FCER1A: variants seen among roughly 807,000 people sequenced by gnomAD.
The protein encoded by FCER1A is Fc epsilon receptor Ia, also known as high affinity immunoglobulin epsilon receptor subunit alpha.
A neutral mutation model predicts 23.6 loss-of-function variants in FCER1A; 24 were observed. The observed-to-expected ratio is 1.02, with a 90% CI of 0.74 to 1.43. The LOEUF is 1.43. Ranked by LOEUF, FCER1A falls within the 40% of genes most tolerant of loss-of-function variation. The pLI is 0.00. For synonymous variants in FCER1A, 121 were observed against 108.8 expected (o/e 1.11, Z -0.70); for missense variants, 318 against 294.5 (o/e 1.08, Z -0.58).
intron 1 of FCER1A, among the ~76,000 whole-genome samples, chr1:159,291,367 G>A (rs1316541507): frequency 2.0e-5 from 3 of 151,958 alleles, no homozygotes; most frequent in Admixed American, 2.0e-4. Context: ...TAGTTCATTT[G>A]GTAGAAATAC....
intron 1 of FCER1A, among the ~76,000 whole-genome samples, chr1:159,292,279 A>G (rs1269740694): frequency 2.6e-5 from 4 of 152,068 alleles, no homozygotes; most frequent in Non-Finnish European, 5.9e-5. Flanking sequence ...AGACTCTTAG[A>G]TACAATAAAG....
At position 159,303,974 on chromosome 1, in the gene FCER1A, A is replaced by G; in HGVS notation, c.123A>G (p.Ile41Met). 7 of 1,611,978 alleles carry G rather than the reference A, an allele frequency of 4.3e-6. No individual in the cohort carries two copies. The highest frequency in any genetic ancestry group is 5.9e-6 in the Non-Finnish European group (7 of 1,178,046). The change falls in exon 3 of 5, where the codon ATA becomes ATG. Residue 41 changes from isoleucine (I) to methionine (M), a missense_variant. Transcript: ENST00000693622. Reference sequence around the variant, plus strand: ...CCTTGAACCCTCCATGGAATAGAATATTTAAAGGAGAGAATGTGACTCTTA... The same window carrying G: ...CCTTGAACCCTCCATGGAATAGAATGTTTAAAGGAGAGAATGTGACTCTTA... ...KVSLNPPWNR[I>M]FKGENVTLTC...
rs866263465 is a variant in FCER1A at position 159,306,079 on chromosome 1, C to G, written c.423C>G (p.Tyr141Ter). Residue 141 changes from tyrosine (Y) to a stop codon, truncating the protein, a stop_gained, in exon 4 of 5, where the codon TAC becomes TAG. Transcript: ENST00000693622. LOFTEE classifies it high-confidence loss of function. ...ATGGTTGGAGGAACTGGGATGTGTA[C>G]AAGGTGATCTATTATAAGGATGGTG... is the stretch of plus-strand genomic sequence containing the variant. Reference protein sequence around the residue: ...RCHGWRNWDVYKVIYYKDGEA... With the variant: ...RCHGWRNWDV The G allele has an allele frequency of 5.0e-6, 8 of 1,613,980 alleles. No individual in the cohort carries two copies. The African/African-American group carries it at 6.7e-5, about 13-fold the overall frequency.
upstream of FCER1A, chr1:159,302,239 C>A: frequency 1.4e-6 from 1 of 727,470 alleles, no homozygotes; most frequent in South Asian, 1.6e-5. Flanking sequence ...GAAGCAAAAC[C>A]AGGCACAGCT....
At chr1:159,303,019 C>G (rs1479778531) in intron 2 of FCER1A, 145 bp downstream of exon 2, 1 of 794,034 alleles carries the variant, frequency 1.3e-6, no homozygotes, top group Non-Finnish European at 2.2e-6. Flanking sequence ...TCCACCTTGC[C>G]TTGTCTTTCT....
chr1:159,296,766 A>G (rs1652302242), intron 1 of FCER1A, among the ~76,000 whole-genome samples: 1 of 152,178 alleles, frequency 6.6e-6, no homozygotes, highest in African/African-American at 2.4e-5. Context: ...CATTGAAACA[A>G]GCAACCCTCA....
intron 2 of FCER1A, 98 bp downstream of exon 2, chr1:159,302,972 A>C (rs1652482608): frequency 8.5e-7 from 1 of 1,181,292 alleles, no homozygotes; most frequent in East Asian, 2.3e-5. Flanking sequence ...CTTTCTAATG[A>C]GCATGAATCT....
At position 159,306,259 on chromosome 1, in the gene FCER1A, G is replaced by A. The variant is rs1652611768; in HGVS notation, c.589+14G>A. 6.2e-7 allele frequency: 1 copy of A among 1,610,684 alleles called. No individual in the cohort carries two copies. Among genetic ancestry groups the A allele is most frequent in the Admixed American group, 1.7e-5 (1 of 59,834 alleles). Reference sequence around the variant, plus strand: ...CTGTAATAAAAGGTGAGTTGGTAAAGGAAAGGAAAAGCATCCATAGCAGGG... The same window carrying A: ...CTGTAATAAAAGGTGAGTTGGTAAAAGAAAGGAAAAGCATCCATAGCAGGG... On this transcript the variant is annotated intron_variant, in intron 4 of 4. Coordinates refer to ENST00000693622, the MANE Select transcript of FCER1A (RefSeq NM_001387280.1).
At position 159,307,786 on chromosome 1, in the gene FCER1A, T is replaced by C. The variant is rs1307707237; in HGVS notation, c.628T>C (p.Leu210=). The C allele has an allele frequency of 1.2e-6, 2 of 1,612,318 alleles. No individual in the cohort carries two copies. Among genetic ancestry groups the C allele is most frequent in the Non-Finnish European group, 1.7e-6 (2 of 1,178,590 alleles). The part of the protein sequence containing the change: ...EKYWLQFFIP[L]LVVILFAVDT... ...GTACTGGCTACAATTTTTTATCCCA[T>C]TGTTGGTGGTGATTCTGTTTGCTGT... The change falls in exon 5 of 5, where the codon TTG becomes CTG. Residue 210 remains leucine, a synonymous_variant. Coordinates refer to ENST00000693622, the MANE Select transcript of FCER1A (RefSeq NM_001387280.1).
chr1:159,306,416 A>G (rs1652618312), intron 4 of FCER1A, among the ~76,000 whole-genome samples, 171 bp downstream of exon 4: 1 of 152,206 alleles, frequency 6.6e-6, no homozygotes. Flanking sequence ...TCTCTGTTTC[A>G]AAGCCTTGAC....
Position 159,306,183 on chromosome 1 carries a change from G to A in FCER1A, c.527G>A (p.Cys176Tyr), listed in dbSNP as rs1652608177. The change falls in exon 4 of 5, where the codon TGT becomes TAT. Residue 176 changes from cysteine (C) to tyrosine (Y), a missense_variant. By Grantham distance (194) the Cys-to-Tyr change is radical (BLOSUM62 -2). Transcript: ENST00000693622. ...ATVEDSGTYY[C>Y]TGKVWQLDYE... ...GTTGAAGACAGTGGAACCTACTACT[G>A]TACGGGCAAAGTGTGGCAGCTGGAC... 6.2e-7 allele frequency: 1 copy of A among 1,614,152 alleles called. No homozygotes were observed. Among genetic ancestry groups the A allele is most frequent in the East Asian group, 2.2e-5 (1 of 44,872 alleles).
At chr1:159,305,633 T>G (rs1274163646) in intron 3 of FCER1A, among the ~76,000 whole-genome samples, 1 of 152,218 alleles carries the variant, frequency 6.6e-6, no homozygotes, top group Non-Finnish European at 1.5e-5. Flanking sequence ...GACACTCTCC[T>G]AAGCTAAAAT....
chr1:159,286,539 A>G (rs187542388), upstream of FCER1A, among the ~76,000 whole-genome samples: 40 of 152,104 alleles, frequency 2.6e-4, no homozygotes, highest in East Asian at 3.7e-3. Flanking sequence ...TCACCATGTT[A>G]GCCAGGATGG....
intron 3 of FCER1A, among the ~76,000 whole-genome samples, 158 bp downstream of exon 3, chr1:159,304,340 G>A (rs919287305): frequency 1.3e-5 from 2 of 152,062 alleles, no homozygotes; most frequent in African/African-American, 2.4e-5. Context: ...AGTGGCTCAC[G>A]CCTGTAATCC....
intron 1 of FCER1A, among the ~76,000 whole-genome samples, chr1:159,292,636 C>T (rs915720884): frequency 5.3e-5 from 8 of 152,062 alleles, no homozygotes; most frequent in African/African-American, 9.6e-5. Flanking sequence ...ATAGATAGAT[C>T]GGTAGACGTT....
intron 1 of FCER1A, among the ~76,000 whole-genome samples, chr1:159,291,239 C>T (rs1044548998): frequency 3.3e-5 from 5 of 152,072 alleles, no homozygotes; most frequent in African/African-American, 9.7e-5. Flanking sequence ...TCTGGTTTTC[C>T]CCTGCTTTTG....
chr1:159,291,166 A>G (rs1042606410), intron 1 of FCER1A, among the ~76,000 whole-genome samples: 1 of 152,180 alleles, frequency 6.6e-6, no homozygotes, highest in African/African-American at 2.4e-5. Context: ...CACAGTAACT[A>G]TTCACTTCAA....
At chr1:159,296,731 C>T (rs942192140) in intron 1 of FCER1A, among the ~76,000 whole-genome samples, 5 of 152,176 alleles carry the variant, frequency 3.3e-5, no homozygotes, top group African/African-American at 1.2e-4. Context: ...CCTGCTAATG[C>T]TACAAATGTC....
At chr1:159,297,140 G>A (rs972059769) in intron 1 of FCER1A, among the ~76,000 whole-genome samples, 9 of 152,076 alleles carry the variant, frequency 5.9e-5, no homozygotes, top group Admixed American at 5.2e-4. Context: ...CACTACATTC[G>A]GCTTGAGGGC....
Sources: allele counts gnomAD v4.1 joint callset (sites outside exome capture counted in the v4.1 genomes callset), GRCh38; gene constraint gnomAD v4.1.1; transcripts MANE v1.5; gene names NCBI Gene and HGNC (gene_info 2026-07-23, HGNC 2026-07-21).